GRK3: variants seen among roughly 807,000 people sequenced by gnomAD.
GRK3 encodes G protein-coupled receptor kinase 3.
GRK3 carries 54 observed loss-of-function variants against 95.7 expected under a neutral mutation model. The ratio of observed to expected loss-of-function variants is 0.56; its 90% CI spans 0.45 to 0.71. GRK3 has a LOEUF of 0.71. GRK3 is among the 30% of genes least tolerant of loss of function. GRK3 has a pLI of 0.00. For synonymous variants in GRK3, 281 were observed against 290.8 expected, an observed-to-expected ratio of 0.97 and a Z score of 0.34; for missense variants, 649 against 851.2, an observed-to-expected ratio of 0.76 and a Z score of 2.96.
intron 7 of GRK3, 34 bp downstream of exon 7, chr22:25,672,381 A>T: frequency 8.7e-7 from 1 of 1,145,540 alleles, no homozygotes. Flanking sequence ...TCATTTTTTA[A>T]ATAAAAACTT....
intron 11 of GRK3, among the ~76,000 whole-genome samples, chr22:25,688,780 C>T (rs1397260872): frequency 1.3e-5 from 2 of 152,084 alleles, no homozygotes; most frequent in Non-Finnish European, 2.9e-5. Flanking sequence ...GTTGTATGGC[C>T]AACAGCCTGC....
intron 12 of GRK3, among the ~76,000 whole-genome samples, chr22:25,692,978 G>A (rs1469346524): frequency 3.3e-5 from 5 of 152,208 alleles, no homozygotes; most frequent in African/African-American, 1.2e-4. Context: ...CATCTCCAAA[G>A]TAGTATTGTA....
At chr22:25,645,799 T>C (rs974584660) in intron 3 of GRK3, among the ~76,000 whole-genome samples, 1 of 151,886 alleles carries the variant, frequency 6.6e-6, no homozygotes, top group Non-Finnish European at 1.5e-5. Context: ...TGGGCGCCTG[T>C]AGTCCCAGCT....
intron 1 of GRK3, among the ~76,000 whole-genome samples, chr22:25,596,076 A>G (rs2084370491): frequency 6.6e-6 from 1 of 152,238 alleles, no homozygotes; most frequent in African/African-American, 2.4e-5. Context: ...ACAAGAAGGG[A>G]AGAGTAAAAA....
At chr22:25,617,744 G>C (rs1480498177) in intron 2 of GRK3, among the ~76,000 whole-genome samples, 1 of 152,094 alleles carries the variant, frequency 6.6e-6, no homozygotes, top group East Asian at 1.9e-4. Flanking sequence ...ATATTCTTGA[G>C]ATTCTTCCAT....
chr22:25,576,714 C>G (rs929781255), intron 1 of GRK3, among the ~76,000 whole-genome samples: 1 of 152,108 alleles, frequency 6.6e-6, no homozygotes, highest in Non-Finnish European at 1.5e-5. Context: ...TTCAGAAAAA[C>G]CTTCAGACTG....
At chr22:25,649,025 A>C (rs753591837) in intron 3 of GRK3, 4 of 1,273,346 alleles carry the variant, frequency 3.1e-6, no homozygotes. Context: ...TGCCATATCC[A>C]GGTATGGTGA....
chr22:25,566,263 A>G (rs1164028433), intron 1 of GRK3, among the ~76,000 whole-genome samples: 2 of 152,240 alleles, frequency 1.3e-5, no homozygotes, highest in Non-Finnish European at 2.9e-5. Context: ...AAACCATGCA[A>G]TTCTGTAAAA....
chr22:25,675,139 G>C (rs2085017345), intron 8 of GRK3, among the ~76,000 whole-genome samples: 2 of 152,120 alleles, frequency 1.3e-5, no homozygotes, highest in South Asian at 4.1e-4. Context: ...GGCATGTTAC[G>C]TTCAGCCTCC....
rs1006131867 is a variant in GRK3, at chr22:25,647,037, A to G, written c.264+2372A>G. On this transcript the variant is annotated intron_variant, in intron 3 of 20. Transcript: ENST00000324198. ...CTTTGTCTCAAAAAAAAAAAAAAAA[A>G]AAAAAAGAAAAAGAAAAAAAATGAA... Among the ~76,000 whole-genome samples, 9 of 151,254 alleles carry G rather than the reference A, an allele frequency of 6.0e-5. 1 individual carries two copies. The East Asian group carries it at 1.5e-3, about 26-fold the overall frequency.
At chr22:25,706,484 C>T (rs965894467) in intron 15 of GRK3, among the ~76,000 whole-genome samples, 1 of 151,922 alleles carries the variant, frequency 6.6e-6, no homozygotes, top group Non-Finnish European at 1.5e-5. Context: ...GCTGATGGCC[C>T]TCTCTCTCTC....
intron 13 of GRK3, among the ~76,000 whole-genome samples, chr22:25,697,498 G>A (rs138815655): frequency 4.6e-5 from 7 of 152,322 alleles, no homozygotes; most frequent in Non-Finnish European, 7.3e-5. Flanking sequence ...GAGGATGGCC[G>A]TGAGGCTGGG....
chr22:25,641,963 T>A (rs1045806419), intron 2 of GRK3, among the ~76,000 whole-genome samples: 2 of 152,220 alleles, frequency 1.3e-5, no homozygotes, highest in African/African-American at 4.8e-5. Flanking sequence ...ATTTAGACAT[T>A]TTGAAAACAT....
chr22:25,690,491 C>G (rs1217501947), intron 12 of GRK3, among the ~76,000 whole-genome samples: 2 of 152,182 alleles, frequency 1.3e-5, no homozygotes, highest in Admixed American at 1.3e-4. Context: ...GGAGTTGAAC[C>G]TGCTCAGGGA....
chr22:25,682,011 G>T (rs117068530), intron 9 of GRK3, among the ~76,000 whole-genome samples: 1 of 152,136 alleles, frequency 6.6e-6, no homozygotes, highest in South Asian at 2.1e-4. Context: ...TCAGCACCCC[G>T]AGAGGTGAGG....
chr22:25,721,249 T>G, intron 19 of GRK3, 35 bp from the exon 20 acceptor site: 1 of 1,235,020 alleles, frequency 8.1e-7, no homozygotes, highest in Non-Finnish European at 1.2e-6. Context: ...AATCACAAAA[T>G]AATTTGAATT....
intron 15 of GRK3, among the ~76,000 whole-genome samples, chr22:25,704,672 AAGT>A (rs2085286154): frequency 6.6e-6 from 1 of 152,244 alleles, no homozygotes; most frequent in Non-Finnish European, 1.5e-5. Context: ...TGGCCTCTCA[AAGT>A]GCTGGGATTA....
chr22:25,589,131 T>C (rs1932414408), intron 1 of GRK3, among the ~76,000 whole-genome samples: 1 of 152,224 alleles, frequency 6.6e-6, no homozygotes, highest in Non-Finnish European at 1.5e-5. Flanking sequence ...CCTTATTATG[T>C]GCTACTAGTT....
At chr22:25,722,224 G>A in intron 20 of GRK3, 65 bp from the exon 21 acceptor site, 1 of 1,573,140 alleles carries the variant, frequency 6.4e-7, no homozygotes, top group Non-Finnish European at 8.7e-7. Flanking sequence ...ATCAATAGGG[G>A]CAGCCTCCGC....
Sources: allele counts gnomAD v4.1 joint callset (sites outside exome capture counted in the v4.1 genomes callset), GRCh38; gene constraint gnomAD v4.1.1; transcripts MANE v1.5; gene names NCBI Gene and HGNC (gene_info 2026-07-23, HGNC 2026-07-21).